The following YES1 variants were observed in gnomAD, a reference collection of about 807,000 sequenced individuals.
YES1 encodes the protein YES proto-oncogene 1, Src family tyrosine kinase, also known as tyrosine-protein kinase Yes.
YES1 carries 39 observed loss-of-function variants against 70.4 expected under a neutral mutation model. That is an observed-to-expected ratio of 0.55 (90% CI 0.43 to 0.72). The LOEUF is 0.72. Among genes scored for constraint, YES1 ranks in the 30% least tolerant of loss-of-function variants. The pLI is 0.00. For synonymous variants in YES1, 198 were observed against 218.6 expected, an observed-to-expected ratio of 0.91 and a Z score of 0.83; for missense variants, 495 against 644.8, an observed-to-expected ratio of 0.77 and a Z score of 2.52.
chr18:726,890 T>C (rs1007580975), intron 11 of YES1, among the ~76,000 whole-genome samples: 1 of 151,716 alleles, frequency 6.6e-6, no homozygotes, highest in Non-Finnish European at 1.5e-5. Context: ...CCAAGGTTTA[T>C]TACTATCCCC....
chr18:766,255 T>C (rs1056088443), intron 1 of YES1, among the ~76,000 whole-genome samples: 2 of 152,172 alleles, frequency 1.3e-5, no homozygotes, highest in African/African-American at 2.4e-5. Context: ...GCCATGAGCA[T>C]GGGCTTCCAG....
chr18:762,192 T>C (rs1206167507), intron 1 of YES1, among the ~76,000 whole-genome samples: 1 of 152,234 alleles, frequency 6.6e-6, no homozygotes, highest in East Asian at 1.9e-4. Flanking sequence ...TGGTGGCCCA[T>C]GCCTGTAATC....
intron 8 of YES1, among the ~76,000 whole-genome samples, chr18:742,302 G>A (rs972899032): frequency 6.6e-6 from 1 of 151,838 alleles, no homozygotes; most frequent in Non-Finnish European, 1.5e-5. Context: ...TAGAGTTAAG[G>A]AAAATGAAGA....
chr18:807,261 G>A (rs1161527598), intron 1 of YES1, among the ~76,000 whole-genome samples: 2 of 151,856 alleles, frequency 1.3e-5, no homozygotes, highest in South Asian at 2.1e-4. Context: ...TTGAACCTGG[G>A]AGGCAGAGGT....
At position 786,846 on chromosome 18, in the gene YES1, C is replaced by T. The variant is rs552237768; in HGVS notation, c.-9+25268G>A. On this transcript the variant is annotated intron_variant, in intron 1 of 11. Transcript: ENST00000314574. ...TTCCATTTACATTTTAATATATATA[C>T]GGCATCTTTGAACAGAAACACACAT... Among the ~76,000 whole-genome samples the T allele has an allele frequency of 2.0e-4, 30 of 152,016 alleles. 1 individual carries two copies. Among genetic ancestry groups the T allele is most frequent in the African/African-American group, 6.0e-4 (25 of 41,476 alleles).
chr18:731,059 G>C (rs2080082691), intron 11 of YES1, among the ~76,000 whole-genome samples: 1 of 152,190 alleles, frequency 6.6e-6, no homozygotes, highest in African/African-American at 2.4e-5. Context: ...AAACAGTGGA[G>C]TAAAGATCCT....
chr18:802,127 T>C (rs1327170437), intron 1 of YES1, among the ~76,000 whole-genome samples: 1 of 152,224 alleles, frequency 6.6e-6, no homozygotes, highest in Non-Finnish European at 1.5e-5. Context: ...GTGGGTGTAG[T>C]GGCTCAAGCC....
At chr18:780,530 T>C (rs1047376852) in intron 1 of YES1, among the ~76,000 whole-genome samples, 5 of 152,260 alleles carry the variant, frequency 3.3e-5, no homozygotes, top group African/African-American at 9.6e-5. Context: ...CCTTCTCATA[T>C]GCCACCCCAT....
chr18:771,013 A>AG lies in YES1; in HGVS notation c.-8-14179_-8-14178insC, dbSNP rs960491110. On this transcript the variant is annotated intron_variant, in intron 1 of 11. Coordinates refer to ENST00000314574, the MANE Select transcript of YES1 (RefSeq NM_005433.4). ...GAAGAGATATCCCATCTCAAAAAAA[A>AG]AAAAAAATCTGAAAAGTTAAAACCT... is the stretch of plus-strand genomic sequence containing the variant. Among the ~76,000 whole-genome samples the AG allele has an allele frequency of 5.9e-5, 9 of 152,228 alleles. No individual in the cohort carries two copies. In the East Asian group the frequency reaches 1.7e-3, roughly 29 times the overall value.
At chr18:808,273 T>C (rs950447601) in intron 1 of YES1, among the ~76,000 whole-genome samples, 14 of 152,296 alleles carry the variant, frequency 9.2e-5, no homozygotes, top group Admixed American at 2.0e-4. Flanking sequence ...TTTCACCCTC[T>C]ACTGTTACTA....
chr18:744,688 C>A lies in YES1; in HGVS notation c.724+1020G>T, dbSNP rs899193326. Among the ~76,000 whole-genome samples the A allele has an allele frequency of 1.9e-4, 15 of 79,592 alleles. 1 individual carries two copies. The highest frequency in any genetic ancestry group is 1.5e-3 in the South Asian group (4 of 2,644). 52.2% of individuals were successfully genotyped at this position (79,592 alleles called of 152,430 possible). A position where few individuals can be genotyped will look rare whatever the true frequency, so the allele number is the denominator to read the frequency against. On this transcript the variant is annotated intron_variant, in intron 6 of 11. Transcript: ENST00000314574. The stretch of plus-strand genomic sequence containing the variant: ...TACAGGAGTGAGCCACCACGCCTGG[C>A]CTTTTTTTTTTTTTTTTTTTTTTTT...
chr18:802,313 A>C (rs1354683474), intron 1 of YES1, among the ~76,000 whole-genome samples: 1 of 152,214 alleles, frequency 6.6e-6, no homozygotes, highest in Non-Finnish European at 1.5e-5. Context: ...CATGCCTGTA[A>C]TCCCAGCACT....
At chr18:758,633 G>C (rs1412904994) in intron 1 of YES1, among the ~76,000 whole-genome samples, 1 of 151,970 alleles carries the variant, frequency 6.6e-6, no homozygotes, top group Non-Finnish European at 1.5e-5. Context: ...TTCCATTCAG[G>C]CTTTCCTTAT....
At chr18:760,777 T>C (rs1220454508) in intron 1 of YES1, among the ~76,000 whole-genome samples, 1 of 152,164 alleles carries the variant, frequency 6.6e-6, no homozygotes, top group Non-Finnish European at 1.5e-5. Flanking sequence ...TCTTTTAAAG[T>C]ATAAAGTAAC....
chr18:746,947 A>C lies in YES1; in HGVS notation c.471-896T>G, dbSNP rs866496124. On this transcript the variant is annotated intron_variant, in intron 4 of 11. Transcript: ENST00000314574. ...ATACACATGTATTTTTTCTTAACTA[A>C]TTGTAAGTTGCAAACATGCTGAATT... Among the ~76,000 whole-genome samples, 54 of 152,266 alleles carry C rather than the reference A, an allele frequency of 3.5e-4. 1 individual carries two copies. Among genetic ancestry groups the C allele is most frequent in the African/African-American group, 1.1e-3 (44 of 41,546 alleles).
intron 1 of YES1, among the ~76,000 whole-genome samples, chr18:758,744 A>T (rs1271308028): frequency 6.6e-6 from 1 of 152,114 alleles, no homozygotes; most frequent in Non-Finnish European, 1.5e-5. Context: ...TTTTTAATTT[A>T]CTGGTCAAAT....
chr18:796,851 T>C (rs1196081180), intron 1 of YES1, among the ~76,000 whole-genome samples: 2 of 151,972 alleles, frequency 1.3e-5, no homozygotes, highest in Non-Finnish European at 2.9e-5. Context: ...CACTAAAAGG[T>C]GGCATTTTGA....
chr18:757,057 C>T (rs2080416687), intron 1 of YES1, among the ~76,000 whole-genome samples: 1 of 152,192 alleles, frequency 6.6e-6, no homozygotes, highest in Non-Finnish European at 1.5e-5. Flanking sequence ...CCAACTCAAT[C>T]ACCTTTAATA....
rs544677142 is a variant in YES1 at position 740,173 on chromosome 18, T to G, written c.1061-362A>C. On this transcript the variant is annotated intron_variant, in intron 8 of 11. Transcript: ENST00000314574. ...TTCAGACAACTAGGAATATCTTGGG[T>G]GTGGTTAAAACTAAATATAGGTAGC... 1.2e-4 allele frequency among the ~76,000 whole-genome samples: 18 copies of G among 152,276 alleles called. 1 individual carries two copies. The highest frequency in any genetic ancestry group is 1.0e-3 in the South Asian group (5 of 4,828).
Sources: gnomAD v4.1 joint callset for allele counts (sites outside exome capture counted in the v4.1 genomes callset) on GRCh38, gnomAD v4.1.1 for gene constraint, MANE v1.5 for transcripts, NCBI Gene and HGNC (gene_info 2026-07-23, HGNC 2026-07-21) for gene names.